Variants in FANCD2 observed in about 807,000 individuals in gnomAD.
FANCD2 encodes Fanconi anemia group D2 protein.
A neutral mutation model predicts 192.3 loss-of-function variants in FANCD2; 131 were observed. The observed-to-expected ratio is 0.68, with a 90% CI of 0.59 to 0.79. The LOEUF (loss-of-function observed/expected upper bound fraction) is 0.79. Ranked by LOEUF, FANCD2 falls within the 30% of genes least tolerant of loss-of-function variation. The probability of loss-of-function intolerance (pLI) is 0.00; values close to 1 mark genes in which losing one functional copy is unlikely to be tolerated. For missense variants in FANCD2, 1,508 were observed against 1,701.6 expected (o/e 0.89, Z 2.00); for synonymous variants, 524 against 612.5 (o/e 0.86, Z 2.13).
intron 40 of FANCD2, chr3:10,094,862 T>C: frequency 2.6e-6 from 1 of 380,966 alleles, no homozygotes; most frequent in Non-Finnish European, 5.0e-6. Context: ...AACAAAATAC[T>C]CACCATATTT....
intron 18 of FANCD2, 37 bp from the exon 19 acceptor site, chr3:10,060,257 T>A (rs1239396451): frequency 8.3e-6 from 12 of 1,440,666 alleles, no homozygotes; most frequent in South Asian, 1.1e-5. Context: ...GCTGTGCCAT[T>A]CCAGCATTTT....
Position 10,034,374 on chromosome 3 carries a change from AT to A in FANCD2, c.206-90del, listed in dbSNP as rs2086678460. The stretch of plus-strand genomic sequence containing the variant: ...TTGTCTCTGAAATTAGGTTGAAAAT[AT>A]TTTTATTGGTTTCATCAGGCAAGAA... On this transcript the variant is annotated intron_variant, in intron 3 of 43. Coordinates refer to ENST00000675286, the MANE Select transcript of FANCD2 (RefSeq NM_001018115.3). 2.0e-5 allele frequency: 15 copies of A among 768,584 alleles called. No homozygotes were observed. In the South Asian group the frequency reaches 2.2e-4, roughly 11 times the overall value. 47.6% of individuals were successfully genotyped at this position (768,584 alleles called of 1,614,324 possible). A position where few individuals can be genotyped will look rare whatever the true frequency, so the allele number is the denominator to read the frequency against.
At chr3:10,057,134 G>A (rs2125022000) in intron 18 of FANCD2, among the ~76,000 whole-genome samples, 1 of 152,302 alleles carries the variant, frequency 6.6e-6, no homozygotes, top group Admixed American at 6.5e-5. Flanking sequence ...GGCATTACAG[G>A]CATGAGCCAC....
chr3:10,094,988 C>T (rs755531020), intron 40 of FANCD2: 9 of 583,440 alleles, frequency 1.5e-5, no homozygotes, highest in Non-Finnish European at 2.5e-5. Flanking sequence ...GGTCTTATAA[C>T]TCTCAGATTG....
chr3:10,026,663 A>T (rs1183822833), intron 1 of FANCD2, 190 bp downstream of exon 1: 1 of 152,912 alleles, frequency 6.5e-6, no homozygotes, highest in African/African-American at 2.4e-5. Context: ...GAAACGAGAA[A>T]GGCTTTTACC....
At chr3:10,062,457 G>T (rs185334873) in intron 20 of FANCD2, among the ~76,000 whole-genome samples, 31 of 151,982 alleles carry the variant, frequency 2.0e-4, no homozygotes, top group African/African-American at 7.5e-4. Flanking sequence ...GGCCCCGCTG[G>T]TCCTGAACTC....
chr3:10,047,124 G>A (rs902393204), intron 15 of FANCD2, among the ~76,000 whole-genome samples: 26 of 152,284 alleles, frequency 1.7e-4, no homozygotes, highest in African/African-American at 6.0e-4. Context: ...GATATTAGCA[G>A]TATAGAACTT....
chr3:10,060,356 T>G lies in FANCD2; in HGVS notation c.1719T>G (p.Ile573Met). 6.2e-7 allele frequency: 1 copy of G among 1,613,756 alleles called. No homozygotes were observed. The highest frequency in any genetic ancestry group is 8.5e-7 in the Non-Finnish European group (1 of 1,180,008). ...GCACCGTATTCAAGTACAAGCTCAT[T>G]GGGATTATTGGTGCTGTGACCATGG... ...LSSTVFKYKL[I>M]GIIGAVTMAG... Residue 573 changes from isoleucine (I) to methionine (M), a missense_variant, in exon 19 of 44, where the codon ATT becomes ATG. Ile to Met is a conservative substitution (Grantham distance 10). This residue lies in a region of FANCD2 where 110 missense variants were observed against 114.4 expected (regional missense o/e 0.96). Coordinates refer to ENST00000675286, the MANE Select transcript of FANCD2 (RefSeq NM_001018115.3).
chr3:10,078,135 C>T lies in FANCD2; in HGVS notation c.2914C>T (p.Leu972Phe). 6.2e-7 allele frequency: 1 copy of T among 1,613,982 alleles called. No individual in the cohort carries two copies. Among genetic ancestry groups the T allele is most frequent in the South Asian group, 1.1e-5 (1 of 91,080 alleles). ...PPELLFLLED[L>F]SQKLESMLTP... is the part of the protein sequence containing the mutation. Reference sequence around the variant, plus strand: ...TGAGCTGCTTTTCTTGCTGGAAGATCTCTCCCAGAAGCTGGAGAGTATGCT... The same window carrying T: ...TGAGCTGCTTTTCTTGCTGGAAGATTTCTCCCAGAAGCTGGAGAGTATGCT... The change falls in exon 30 of 44, where the codon CTC becomes TTC. Residue 972 changes from leucine (L) to phenylalanine (F), a missense_variant. This residue lies in a region of FANCD2 where 796 missense variants were observed against 879.4 expected (regional missense o/e 0.91). Coordinates refer to ENST00000675286, the MANE Select transcript of FANCD2 (RefSeq NM_001018115.3).
rs1307143430 is a variant in FANCD2, at chr3:10,039,817, C to G, written c.667C>G (p.Gln223Glu). ...TSLPEILGDS[Q>E]HADVGKELSD... Reference sequence around the variant, plus strand: ...CCTACCTGAGATCCTAGGGGATTCCCAGCACGCTGATGTGGGGAAAGAACT... The same window carrying G: ...CCTACCTGAGATCCTAGGGGATTCCGAGCACGCTGATGTGGGGAAAGAACT... Residue 223 changes from glutamine to glutamate, a missense_variant, in exon 9 of 44, where the codon CAG becomes GAG. Coordinates refer to ENST00000675286, the MANE Select transcript of FANCD2 (RefSeq NM_001018115.3). The G allele has an allele frequency of 1.2e-6, 2 of 1,613,928 alleles. No individual in the cohort carries two copies. Among genetic ancestry groups the G allele is most frequent in the East Asian group, 4.5e-5 (2 of 44,858 alleles).
At position 10,101,228 on chromosome 3, in the gene FANCD2, AAGAT is replaced by A. The variant is rs1559412701; in HGVS notation, c.4325_4328del (p.Asp1442ValfsTer30). On this transcript the variant is annotated frameshift_variant, in exon 44 of 44. Transcript: ENST00000675286. LOFTEE classifies it high-confidence loss of function. ...GAAGTAAGTGCTGGAGAAAAGGAGC[AAGAT>A]AGTGATGAGAGTTATGATGACTCTG... 6.2e-7 allele frequency: 1 copy of A among 1,613,492 alleles called. No homozygotes were observed. The highest frequency in any genetic ancestry group is 8.5e-7 in the Non-Finnish European group (1 of 1,179,506).
chr3:10,065,398 G>A lies in FANCD2; in HGVS notation c.2173G>A (p.Val725Met). Reference sequence around the variant, plus strand: ...AAATTTATTTCTCCTTCTCAGATTGGTGTCTCCGCTGTGCCTGGCTCCGTA... The same window carrying A: ...AAATTTATTTCTCCTTCTCAGATTGATGTCTCCGCTGTGCCTGGCTCCGTA... ...VTSQESGQKL[V>M]SPLCLAPYFR... The change falls in exon 24 of 44, where the codon GTG becomes ATG. Residue 725 changes from valine to methionine, a missense_variant. Val to Met is a conservative substitution (Grantham distance 21). Around this residue, in one of 5 missense-constraint regions of FANCD2, gnomAD observed 796 missense variants for 879.4 expected, o/e 0.91. Transcript: ENST00000675286. The A allele has an allele frequency of 6.2e-7, 1 of 1,609,540 alleles. No homozygotes were observed.
intron 29 of FANCD2, among the ~76,000 whole-genome samples, chr3:10,076,138 T>C (rs1317624273): frequency 6.6e-6 from 1 of 151,958 alleles, no homozygotes; most frequent in African/African-American, 2.4e-5. Context: ...ATTTCACCCA[T>C]TCTGCTTCTA....
intron 26 of FANCD2, among the ~76,000 whole-genome samples, chr3:10,071,125 T>TAAA (rs35134252): frequency 1.3e-5 from 1 of 77,926 alleles, no homozygotes; most frequent in Non-Finnish European, 3.0e-5. Context: ...GAATGATCGA[T>TAAA]AAAAAAAAAA....
chr3:10,055,534 C>T lies in FANCD2; in HGVS notation c.1656+3037C>T, dbSNP rs370404406. Among the ~76,000 whole-genome samples, 15 of 152,228 alleles carry T rather than the reference C, an allele frequency of 9.9e-5. 1 individual carries two copies. The highest frequency in any genetic ancestry group is 9.7e-4 in the East Asian group (5 of 5,178). ...CAGCTATAATAATTCCATTCTTGGCCGGGCACGGTGACTCACGCCTGTAAT... is the reference window on the plus strand; with the variant it reads ...CAGCTATAATAATTCCATTCTTGGCTGGGCACGGTGACTCACGCCTGTAAT... On this transcript the variant is annotated intron_variant, in intron 18 of 43. Coordinates refer to ENST00000675286, the MANE Select transcript of FANCD2 (RefSeq NM_001018115.3).
chr3:10,084,666 G>C (rs1694071725), intron 32 of FANCD2, among the ~76,000 whole-genome samples: 1 of 152,132 alleles, frequency 6.6e-6, no homozygotes, highest in South Asian at 2.1e-4. Context: ...AGCTATGGTA[G>C]ACCAAAAACC....
chr3:10,075,188 CTTT>C (rs57693909), intron 29 of FANCD2, among the ~76,000 whole-genome samples: 1 of 145,186 alleles, frequency 6.9e-6, no homozygotes, highest in African/African-American at 2.5e-5. Flanking sequence ...TTATTATTTT[CTTT>C]TTTTTTTTTG....
At chr3:10,042,714 T>G (rs2086896271) in intron 11 of FANCD2, 51 bp downstream of exon 11, 1 of 1,360,050 alleles carries the variant, frequency 7.4e-7, no homozygotes. Context: ...AAGTGCCAAT[T>G]GCTCTTCTCT....
chr3:10,079,745 TAGAACGTCC>T (rs1693730052), intron 30 of FANCD2, among the ~76,000 whole-genome samples: 2 of 152,220 alleles, frequency 1.3e-5, no homozygotes, highest in African/African-American at 2.4e-5. Flanking sequence ...GTAAGCTGTC[TAGAACGTCC>T]AGAACTTCAG....
Sources: allele counts gnomAD v4.1 joint callset (sites outside exome capture counted in the v4.1 genomes callset), GRCh38; gene constraint gnomAD v4.1.1; regional missense constraint gnomAD v4.1.1; transcripts MANE v1.5; gene names NCBI Gene and HGNC (gene_info 2026-07-23, HGNC 2026-07-21).